GRXCR1: variants seen among roughly 807,000 people sequenced by gnomAD.
GRXCR1 encodes glutaredoxin and cysteine rich domain containing 1.
In GRXCR1, 27 loss-of-function variants were observed where a neutral mutation model predicts 27.3. The ratio of observed to expected loss-of-function variants is 0.99; its 90% CI spans 0.73 to 1.37. GRXCR1 has a LOEUF of 1.37. GRXCR1 is among the 40% of genes most tolerant of loss of function. GRXCR1 has a pLI of 0.00. For missense variants in GRXCR1, 379 were observed against 354.4 expected (o/e 1.07, Z -0.56); for synonymous variants, 122 against 131.1 (o/e 0.93, Z 0.47).
At chr4:43,012,931 C>A (rs1712806100) in intron 2 of GRXCR1, among the ~76,000 whole-genome samples, 3 of 152,046 alleles carry the variant, frequency 2.0e-5, no homozygotes, top group African/African-American at 7.2e-5. Flanking sequence ...AAGCAGACAA[C>A]AAACATGAAA....
At chr4:42,991,025 G>A (rs952578987) in intron 2 of GRXCR1, among the ~76,000 whole-genome samples, 3 of 151,980 alleles carry the variant, frequency 2.0e-5, no homozygotes, top group African/African-American at 4.8e-5. Flanking sequence ...ATTTGTGGAA[G>A]GTCTATATTA....
At chr4:42,904,459 C>T (rs992699181) in intron 1 of GRXCR1, among the ~76,000 whole-genome samples, 5 of 152,138 alleles carry the variant, frequency 3.3e-5, no homozygotes, top group African/African-American at 9.7e-5. Context: ...TTACTGTGCT[C>T]GCTTTCTCTC....
chr4:42,940,650 A>G (rs1005463940), intron 1 of GRXCR1, among the ~76,000 whole-genome samples: 48 of 152,104 alleles, frequency 3.2e-4, no homozygotes, highest in Non-Finnish European at 6.5e-4. Context: ...GGCTTCTAGA[A>G]AACTTTTCTG....
At position 42,953,133 on chromosome 4, in the gene GRXCR1, G is replaced by T. The variant is rs1244660406; in HGVS notation, c.385-9759G>T. Among the ~76,000 whole-genome samples the T allele has an allele frequency of 3.3e-5, 5 of 152,230 alleles. No homozygotes were observed. In the East Asian group the frequency reaches 9.7e-4, roughly 29 times the overall value. ...CTCTGGATTGTAGCAAACTTACCAG[G>T]TTGCATGGAAATTATACTTTCCCCC... On this transcript the variant is annotated intron_variant, in intron 1 of 3. Coordinates refer to ENST00000399770, the MANE Select transcript of GRXCR1 (RefSeq NM_001080476.3).
chr4:42,962,452 T>C (rs182878107), intron 1 of GRXCR1, among the ~76,000 whole-genome samples: 1 of 152,064 alleles, frequency 6.6e-6, no homozygotes, highest in Non-Finnish European at 1.5e-5. Flanking sequence ...CCAAAGACTG[T>C]ACAATTGGAT....
chr4:42,975,807 A>G (rs1322621761), intron 2 of GRXCR1, among the ~76,000 whole-genome samples: 1 of 152,138 alleles, frequency 6.6e-6, no homozygotes, highest in Non-Finnish European at 1.5e-5. Context: ...AAGTACTACA[A>G]CCACATCTTC....
At chr4:43,018,605 A>G (rs962489585) in intron 2 of GRXCR1, among the ~76,000 whole-genome samples, 2 of 152,172 alleles carry the variant, frequency 1.3e-5, no homozygotes, top group African/African-American at 4.8e-5. Context: ...AGAGCCAGGT[A>G]GGAGATGTGT....
At chr4:42,971,771 C>T (rs1223780619) in intron 2 of GRXCR1, among the ~76,000 whole-genome samples, 3 of 151,962 alleles carry the variant, frequency 2.0e-5, no homozygotes, top group African/African-American at 7.3e-5. Context: ...TACTTCTGTA[C>T]CTTTCCAAAT....
intron 3 of GRXCR1, among the ~76,000 whole-genome samples, chr4:43,025,908 A>C (rs1048383577): frequency 6.6e-6 from 1 of 151,472 alleles, no homozygotes; most frequent in Non-Finnish European, 1.5e-5. Context: ...CCAGGGAGGC[A>C]GAGCTTGCAG....
chr4:42,974,829 T>C (rs1748474025), intron 2 of GRXCR1, among the ~76,000 whole-genome samples: 1 of 152,124 alleles, frequency 6.6e-6, no homozygotes, highest in Non-Finnish European at 1.5e-5. Flanking sequence ...AGCATAGAAT[T>C]TAATTGAACA....
At chr4:42,926,736 G>A (rs575561821) in intron 1 of GRXCR1, among the ~76,000 whole-genome samples, 1 of 151,872 alleles carries the variant, frequency 6.6e-6, no homozygotes, top group Non-Finnish European at 1.5e-5. Flanking sequence ...CTAAACTTGT[G>A]GCTGAAGATG....
At chr4:42,907,497 GGT>G (rs1746623410) in intron 1 of GRXCR1, among the ~76,000 whole-genome samples, 1 of 152,102 alleles carries the variant, frequency 6.6e-6, no homozygotes, top group Non-Finnish European at 1.5e-5. Flanking sequence ...TGGCTCACAT[GGT>G]TGCACTGTAT....
rs1002701870 is a variant in GRXCR1, at chr4:43,005,395, G to T, written c.628-14959G>T. 3.3e-4 allele frequency among the ~76,000 whole-genome samples: 51 copies of T among 152,260 alleles called. 1 individual carries two copies. The highest frequency in any genetic ancestry group is 1.2e-3 in the African/African-American group (50 of 41,570). ...TTTTAGTTGCAAATTATACCTGTTT[G>T]TTGTGGTGAAACAATTTTATTATTA... On this transcript the variant is annotated intron_variant, in intron 2 of 3. Coordinates refer to ENST00000399770, the MANE Select transcript of GRXCR1 (RefSeq NM_001080476.3).
intron 2 of GRXCR1, among the ~76,000 whole-genome samples, chr4:43,012,389 T>C (rs771445596): frequency 6.6e-6 from 1 of 152,200 alleles, no homozygotes; most frequent in East Asian, 1.9e-4. Context: ...AACTACTCCA[T>C]TCCCCTTGTT....
At chr4:42,914,188 AGAGTG>A (rs1746833240) in intron 1 of GRXCR1, among the ~76,000 whole-genome samples, 1 of 152,202 alleles carries the variant, frequency 6.6e-6, no homozygotes. Flanking sequence ...TCCAATCCCT[AGAGTG>A]ATAGATCCAC....
chr4:42,988,046 G>C (rs1375535936), intron 2 of GRXCR1, among the ~76,000 whole-genome samples: 2 of 152,108 alleles, frequency 1.3e-5, no homozygotes, highest in African/African-American at 2.4e-5. Flanking sequence ...CTGTGTGCTA[G>C]AGCTTAAAAT....
chr4:42,951,674 G>T (rs1023255299), intron 1 of GRXCR1, among the ~76,000 whole-genome samples: 2 of 152,100 alleles, frequency 1.3e-5, no homozygotes, highest in East Asian at 3.9e-4. Context: ...TCTGCTTCTA[G>T]ATCTTTGAGG....
chr4:42,948,831 TGG>T (rs1747806726), intron 1 of GRXCR1, among the ~76,000 whole-genome samples: 1 of 152,060 alleles, frequency 6.6e-6, no homozygotes, highest in African/African-American at 2.4e-5. Context: ...ATCCACAGAA[TGG>T]GGGACCCTTT....
At chr4:42,947,572 G>T (rs973037920) in intron 1 of GRXCR1, among the ~76,000 whole-genome samples, 1 of 152,048 alleles carries the variant, frequency 6.6e-6, no homozygotes. Context: ...GATAAAATCT[G>T]CCACTTAATG....
Sources: allele counts gnomAD v4.1 joint callset (sites outside exome capture counted in the v4.1 genomes callset), GRCh38; gene constraint gnomAD v4.1.1; transcripts MANE v1.5; gene names NCBI Gene and HGNC (gene_info 2026-07-23, HGNC 2026-07-21).